UBXN2A: variants seen among roughly 807,000 people sequenced by gnomAD.
UBXN2A encodes the protein UBX domain protein 2A.
In UBXN2A, 28 loss-of-function variants were observed where a neutral mutation model predicts 28.4. The ratio of observed to expected loss-of-function variants is 0.99; its 90% CI spans 0.73 to 1.35. The LOEUF (loss-of-function observed/expected upper bound fraction) is 1.35, where lower values mean the gene tolerates loss of function less well. UBXN2A is among the 40% of genes most tolerant of loss of function. The pLI, the probability that UBXN2A is intolerant of heterozygous loss-of-function variation, is 0.00. For synonymous variants in UBXN2A, 97 were observed against 103.6 expected (o/e 0.94, Z 0.39); for missense variants, 253 against 297.9 (o/e 0.85, Z 1.11).
chr2:23,933,237 G>A (rs190647686), intron 1 of UBXN2A, among the ~76,000 whole-genome samples: 5 of 152,186 alleles, frequency 3.3e-5, no homozygotes, highest in African/African-American at 7.2e-5. Flanking sequence ...CCAAGCGTGG[G>A]GGCTTATGCC....
intron 6 of UBXN2A, among the ~76,000 whole-genome samples, chr2:23,988,971 C>G (rs895161083): frequency 2.0e-5 from 3 of 152,046 alleles, no homozygotes; most frequent in Non-Finnish European, 2.9e-5. Flanking sequence ...TCATTCTACG[C>G]TTTTCCAGGA....
At chr2:23,963,679 C>T (rs1707036952) in intron 2 of UBXN2A, among the ~76,000 whole-genome samples, 1 of 152,076 alleles carries the variant, frequency 6.6e-6, no homozygotes, top group South Asian at 2.1e-4. Context: ...AAAGAGAACC[C>T]TTGAACACTG....
rs138635495 is a variant in UBXN2A at position 23,995,364 on chromosome 2, C to T, written c.585-4308C>T. Among the ~76,000 whole-genome samples the T allele has an allele frequency of 5.3e-4, 81 of 152,154 alleles. 1 individual carries two copies. The highest frequency in any genetic ancestry group is 1.9e-3 in the African/African-American group (79 of 41,506). ...GTTGGTCTTCAGTGCTTTCACATAG[C>T]GCTTTTATGTTTAGACGCTCCTTGA... On this transcript the variant is annotated intron_variant, in intron 6 of 6. Transcript: ENST00000309033.
At chr2:23,989,727 A>G (rs1379234441) in intron 6 of UBXN2A, among the ~76,000 whole-genome samples, 2 of 151,514 alleles carry the variant, frequency 1.3e-5, no homozygotes, top group Non-Finnish European at 2.9e-5. Context: ...ACATGGTGAA[A>G]CTCTATCTCT....
chr2:23,941,245 A>G (rs944070738), intron 1 of UBXN2A, among the ~76,000 whole-genome samples: 11 of 152,308 alleles, frequency 7.2e-5, no homozygotes, highest in African/African-American at 2.6e-4. Context: ...TGAGATAAGT[A>G]AAGATAGGAA....
intron 1 of UBXN2A, among the ~76,000 whole-genome samples, chr2:23,931,872 G>A (rs897553731): frequency 7.2e-5 from 11 of 151,814 alleles, no homozygotes; most frequent in Admixed American, 6.6e-4. Flanking sequence ...TTAGCCAGGC[G>A]TGATGGCAGG....
At chr2:23,978,788 C>T (rs1212444714) in intron 4 of UBXN2A, among the ~76,000 whole-genome samples, 1 of 151,648 alleles carries the variant, frequency 6.6e-6, no homozygotes, top group African/African-American at 2.4e-5. Flanking sequence ...ATAGTGAAAC[C>T]CCGTCTCTAC....
chr2:23,946,851 C>G (rs1404556495), intron 1 of UBXN2A, among the ~76,000 whole-genome samples: 1 of 151,688 alleles, frequency 6.6e-6, no homozygotes. Context: ...CAGACAGTCT[C>G]CCAAGTCAGA....
chr2:23,992,163 G>A (rs1708377649), intron 6 of UBXN2A, among the ~76,000 whole-genome samples: 1 of 152,054 alleles, frequency 6.6e-6, no homozygotes, highest in African/African-American at 2.4e-5. Context: ...GTAGAGATGG[G>A]GTTTCACCAT....
At chr2:23,948,158 A>T (rs1451990003) in intron 1 of UBXN2A, among the ~76,000 whole-genome samples, 1 of 150,284 alleles carries the variant, frequency 6.7e-6, no homozygotes, top group African/African-American at 2.4e-5. Flanking sequence ...CCGGGCTTTT[A>T]AAAAGTTTAA....
intron 1 of UBXN2A, among the ~76,000 whole-genome samples, chr2:23,929,726 T>C (rs953876012): frequency 6.6e-6 from 1 of 151,662 alleles, no homozygotes; most frequent in Non-Finnish European, 1.5e-5. Context: ...AAAAAATAAA[T>C]AAATAAAAAG....
intron 3 of UBXN2A, among the ~76,000 whole-genome samples, chr2:23,975,304 C>T (rs901490203): frequency 1.6e-4 from 24 of 152,112 alleles, no homozygotes; most frequent in Non-Finnish European, 2.8e-4. Flanking sequence ...GATACTACTA[C>T]TACTTATTAC....
At chr2:23,935,795 A>G (rs1297803613), upstream of UBXN2A, among the ~76,000 whole-genome samples, 1 of 152,208 alleles carries the variant, frequency 6.6e-6, no homozygotes, top group Non-Finnish European at 1.5e-5. Flanking sequence ...CACACCTGTA[A>G]TCCCAGCACT....
chr2:23,961,539 C>CCT (rs1706910528), intron 2 of UBXN2A, among the ~76,000 whole-genome samples: 1 of 51,272 alleles, frequency 2.0e-5, no homozygotes, highest in Non-Finnish European at 3.4e-5. Context: ...AGAAAACTGC[C>CCT]TTTTTTTTTT....
At chr2:23,989,730 C>CG (rs927999656) in intron 6 of UBXN2A, among the ~76,000 whole-genome samples, 8 of 151,784 alleles carry the variant, frequency 5.3e-5, no homozygotes, top group Non-Finnish European at 1.0e-4. Context: ...TGGTGAAACT[C>CG]TATCTCTACA....
At chr2:23,951,988 A>T (rs367688942) in intron 1 of UBXN2A, among the ~76,000 whole-genome samples, 1 of 137,150 alleles carries the variant, frequency 7.3e-6, no homozygotes, top group Non-Finnish European at 1.6e-5. Flanking sequence ...TTTTTTTGAG[A>T]CAGAGTCTCA....
chr2:23,983,908 G>A (rs540519193), intron 5 of UBXN2A, among the ~76,000 whole-genome samples: 14 of 152,088 alleles, frequency 9.2e-5, no homozygotes, highest in Admixed American at 2.6e-4. Flanking sequence ...ACTCCTGACC[G>A]CAGGTGATCC....
At chr2:23,963,259 A>G (rs1204572595) in intron 2 of UBXN2A, among the ~76,000 whole-genome samples, 1 of 151,992 alleles carries the variant, frequency 6.6e-6, no homozygotes, top group African/African-American at 2.4e-5. Flanking sequence ...GCTCACACCC[A>G]TAATCCCAGC....
chr2:23,945,406 T>C (rs1018540916), intron 1 of UBXN2A, among the ~76,000 whole-genome samples: 1 of 152,216 alleles, frequency 6.6e-6, no homozygotes, highest in African/African-American at 2.4e-5. Context: ...ACTTAGTATA[T>C]AGTAAACCAG....
Sources: allele counts gnomAD v4.1 joint callset (sites outside exome capture counted in the v4.1 genomes callset), GRCh38; gene constraint gnomAD v4.1.1; transcripts MANE v1.5; gene names NCBI Gene and HGNC (gene_info 2026-07-23, HGNC 2026-07-21).